The following RERG variants were observed in gnomAD, a reference collection of about 807,000 sequenced individuals.
RERG encodes the protein RAS like estrogen regulated growth inhibitor.
In RERG, 25 loss-of-function variants were observed where a neutral mutation model predicts 23.2. That is an observed-to-expected ratio of 1.08 (90% CI 0.79 to 1.50). The LOEUF (loss-of-function observed/expected upper bound fraction) is 1.50, where lower values mean the gene tolerates loss of function less well. Ranked by LOEUF, RERG falls within the 40% of genes most tolerant of loss-of-function variation. RERG has a pLI of 0.00. For missense variants in RERG, 253 were observed against 250.1 expected (o/e 1.01, Z -0.08); for synonymous variants, 81 against 89.1 (o/e 0.91, Z 0.51).
At chr12:15,211,927 T>A (rs1865370916) in intron 2 of RERG, among the ~76,000 whole-genome samples, 1 of 151,924 alleles carries the variant, frequency 6.6e-6, no homozygotes, top group Middle Eastern at 3.2e-3. Context: ...GAAACTGAGA[T>A]ACAGGGTTGT....
At chr12:15,140,586 C>A (rs774397099) in intron 2 of RERG, among the ~76,000 whole-genome samples, 1 of 151,926 alleles carries the variant, frequency 6.6e-6, no homozygotes, top group Non-Finnish European at 1.5e-5. Flanking sequence ...TCTTGTAGGG[C>A]AGCTCTGCTA....
intron 2 of RERG, among the ~76,000 whole-genome samples, chr12:15,194,111 A>G (rs1865109966): frequency 1.3e-5 from 2 of 152,166 alleles, no homozygotes; most frequent in African/African-American, 2.4e-5. Flanking sequence ...CCCTGTTTTG[A>G]GAACCTTCAG....
At chr12:15,218,153 G>A (rs1865467944) in intron 1 of RERG, 1 of 152,306 alleles carries the variant, frequency 6.6e-6, no homozygotes, top group South Asian at 2.1e-4. Flanking sequence ...CATGTTCTAG[G>A]AATCAATATA....
chr12:15,114,521 A>T (rs1004815342), intron 3 of RERG: 2 of 152,196 alleles, frequency 1.3e-5, no homozygotes, highest in Non-Finnish European at 2.9e-5. Flanking sequence ...GAAGCTTATA[A>T]GATGATTTTA....
chr12:15,117,121 T>C (rs1278325513), intron 3 of RERG, among the ~76,000 whole-genome samples: 3 of 148,032 alleles, frequency 2.0e-5, no homozygotes, highest in Non-Finnish European at 4.4e-5. Flanking sequence ...TTGCATGTGG[T>C]TAATCTTTTT....
At chr12:15,139,469 C>T (rs767195553) in intron 2 of RERG, among the ~76,000 whole-genome samples, 1 of 152,074 alleles carries the variant, frequency 6.6e-6, no homozygotes, top group Admixed American at 6.6e-5. Flanking sequence ...AGTATCTCTC[C>T]ATTTATTTAG....
intron 2 of RERG, among the ~76,000 whole-genome samples, chr12:15,185,738 G>C (rs2136131531): frequency 6.6e-6 from 1 of 152,028 alleles, no homozygotes; most frequent in South Asian, 2.1e-4. Flanking sequence ...CTCACTACCT[G>C]GGTGACGAGA....
At chr12:15,197,867 T>C (rs921313608) in intron 2 of RERG, among the ~76,000 whole-genome samples, 1 of 152,112 alleles carries the variant, frequency 6.6e-6, no homozygotes, top group Non-Finnish European at 1.5e-5. Context: ...GGGCCTGTAT[T>C]ACCCAGGAGC....
At chr12:15,204,067 G>T (rs1354909434) in intron 2 of RERG, among the ~76,000 whole-genome samples, 1 of 151,442 alleles carries the variant, frequency 6.6e-6, no homozygotes, top group Non-Finnish European at 1.5e-5. Flanking sequence ...AATAGAAAAC[G>T]TAATTCTAAA....
At chr12:15,151,904 G>C (rs2136107994) in intron 2 of RERG, 1 of 152,234 alleles carries the variant, frequency 6.6e-6, no homozygotes, top group African/African-American at 2.4e-5. Context: ...GCAACCATTT[G>C]ATTGGAAAAG....
intron 3 of RERG, among the ~76,000 whole-genome samples, chr12:15,118,140 C>T (rs1444049504): frequency 6.6e-6 from 1 of 152,082 alleles, no homozygotes; most frequent in Non-Finnish European, 1.5e-5. Context: ...GTTCCCCCTC[C>T]CCCATTTCCT....
chr12:15,200,996 A>G (rs1374273498), intron 2 of RERG, among the ~76,000 whole-genome samples: 1 of 151,948 alleles, frequency 6.6e-6, no homozygotes, highest in Non-Finnish European at 1.5e-5. Flanking sequence ...TAAAAGCCAA[A>G]TAAGAGGTTT....
chr12:15,209,875 A>G (rs1037451820), intron 2 of RERG, among the ~76,000 whole-genome samples: 2 of 152,206 alleles, frequency 1.3e-5, no homozygotes, highest in African/African-American at 4.8e-5. Context: ...TGGCTCTAGC[A>G]CCAACAAGCT....
chr12:15,202,886 T>C (rs1317751858), intron 2 of RERG, among the ~76,000 whole-genome samples: 3 of 151,794 alleles, frequency 2.0e-5, no homozygotes, highest in Non-Finnish European at 3.0e-5. Flanking sequence ...CTGTTTTCCA[T>C]AGTGGTTGCA....
At chr12:15,148,313 A>AT (rs1461819053) in intron 2 of RERG, among the ~76,000 whole-genome samples, 1 of 152,172 alleles carries the variant, frequency 6.6e-6, no homozygotes, top group African/African-American at 2.4e-5. Context: ...GACTTCTGGG[A>AT]TTTTCAAAAG....
intron 2 of RERG, among the ~76,000 whole-genome samples, chr12:15,181,278 T>C (rs910917207): frequency 2.0e-5 from 3 of 152,182 alleles, no homozygotes; most frequent in African/African-American, 7.2e-5. Context: ...TCTTGAAAAA[T>C]CTTAATAATC....
At chr12:15,138,173 G>A (rs527813181) in intron 2 of RERG, 1 of 185,354 alleles carries the variant, frequency 5.4e-6, no homozygotes, top group African/African-American at 2.4e-5. Flanking sequence ...TATCCTGCTT[G>A]TGTTCTCTGT....
At chr12:15,195,037 G>C (rs1006284146) in intron 2 of RERG, among the ~76,000 whole-genome samples, 4 of 152,088 alleles carry the variant, frequency 2.6e-5, no homozygotes, top group African/African-American at 9.7e-5. Context: ...TTTGTGGAAA[G>C]GTTTAATCTA....
At chr12:15,156,642 T>C (rs779303996) in intron 2 of RERG, among the ~76,000 whole-genome samples, 14 of 152,192 alleles carry the variant, frequency 9.2e-5, no homozygotes, top group Non-Finnish European at 1.8e-4. Context: ...TCTCTAATAG[T>C]TGTTAGTATT....
Sources: gnomAD v4.1 joint callset for allele counts (sites outside exome capture counted in the v4.1 genomes callset) on GRCh38, gnomAD v4.1.1 for gene constraint, MANE v1.5 for transcripts, NCBI Gene and HGNC (gene_info 2026-07-23, HGNC 2026-07-21) for gene names.